ASTN2: variants seen among roughly 807,000 people sequenced by gnomAD.
ASTN2 encodes the protein astrotactin 2, also known as astrotactin-2.
ASTN2 carries 54 observed loss-of-function variants against 139.8 expected under a neutral mutation model. The ratio of observed to expected loss-of-function variants is 0.39; its 90% CI spans 0.31 to 0.48. ASTN2 has a LOEUF of 0.48. ASTN2 is among the 20% of genes least tolerant of loss of function. The probability of loss-of-function intolerance (pLI) is 0.95; values close to 1 mark genes in which losing one functional copy is unlikely to be tolerated. For synonymous variants in ASTN2, 756 were observed against 719.5 expected, an observed-to-expected ratio of 1.05 and a Z score of -0.81; for missense variants, 1,565 against 1,725.1, an observed-to-expected ratio of 0.91 and a Z score of 1.64.
chr9:116,642,431 C>A (rs116648095), intron 17 of ASTN2, among the ~76,000 whole-genome samples: 3,608 of 152,208 alleles, frequency 0.024, 138 homozygotes, highest in African/African-American at 0.082. Flanking sequence ...CTTTGCTCCT[C>A]AGGGTATCCC....
At chr9:116,821,982 A>G (rs1027457485) in intron 11 of ASTN2, among the ~76,000 whole-genome samples, 1 of 151,954 alleles carries the variant, frequency 6.6e-6, no homozygotes, top group African/African-American at 2.4e-5. Flanking sequence ...CTGGGTTTTT[A>G]TTTCAGTCCT....
At chr9:116,870,131 A>C (rs1833123617) in intron 10 of ASTN2, among the ~76,000 whole-genome samples, 1 of 152,076 alleles carries the variant, frequency 6.6e-6, no homozygotes, top group Non-Finnish European at 1.5e-5. Context: ...CTGTCTCAAA[A>C]AAAATAAAAA....
At chr9:116,921,959 A>G (rs537559942) in intron 10 of ASTN2, among the ~76,000 whole-genome samples, 2 of 152,282 alleles carry the variant, frequency 1.3e-5, no homozygotes, top group East Asian at 3.9e-4. Flanking sequence ...CCCCACATCC[A>G]GCTCTGGATA....
chr9:116,841,390 AGAG>A (rs1383160259), intron 11 of ASTN2, among the ~76,000 whole-genome samples: 53 of 151,728 alleles, frequency 3.5e-4, no homozygotes. Context: ...AGGGAGAGGG[AGAG>A]GAGACTGACT....
chr9:116,847,911 T>C (rs755835783), intron 11 of ASTN2, among the ~76,000 whole-genome samples: 67 of 152,110 alleles, frequency 4.4e-4, no homozygotes, highest in Middle Eastern at 3.2e-3. Flanking sequence ...CTTCCCAAGA[T>C]CATACAGTGA....
intron 5 of ASTN2, among the ~76,000 whole-genome samples, chr9:117,051,248 A>T (rs993899754): frequency 6.6e-6 from 1 of 152,124 alleles, no homozygotes; most frequent in Non-Finnish European, 1.5e-5. Context: ...GATGATGATA[A>T]CCCTTTCTCT....
chr9:117,414,835 A>G lies in ASTN2; in HGVS notation c.104T>C (p.Leu35Pro), dbSNP rs1831284784. Residue 35 changes from leucine to proline, a missense_variant, in exon 1 of 23, where the codon CTG (leucine) becomes CCG (proline). By Grantham distance (98) the Leu-to-Pro change is moderately conservative. This residue lies in a region of ASTN2 where 596 missense variants were observed against 576.8 expected (regional missense o/e 1.03). Coordinates refer to ENST00000313400, the MANE Select transcript of ASTN2 (RefSeq NM_001365068.1). The surrounding 1 kb of genome is among the most constrained non-coding windows in gnomAD (Gnocchi z 4.2). ...HPGPPPLLPLLLLFLLLLPPP... is the reference protein window; with the variant it reads ...HPGPPPLLPLPLLFLLLLPPP... ...CGGCAGCAGGAGCAGGAACAGCAGCAGCAGCGGCAGCAGTGGCGGCGGCCC... is the reference window on the plus strand; with the variant it reads ...CGGCAGCAGGAGCAGGAACAGCAGCGGCAGCGGCAGCAGTGGCGGCGGCCC... 8.6e-7 allele frequency: 1 copy of G among 1,161,980 alleles called. No homozygotes were observed. The highest frequency in any genetic ancestry group is 1.1e-6 in the Non-Finnish European group (1 of 939,124). 72.0% of individuals were successfully genotyped at this position (1,161,980 alleles called of 1,614,324 possible). A position where few individuals can be genotyped will look rare whatever the true frequency, so the allele number is the denominator to read the frequency against.
intron 10 of ASTN2, among the ~76,000 whole-genome samples, chr9:116,892,545 A>T (rs1021943278): frequency 6.6e-6 from 1 of 152,062 alleles, no homozygotes; most frequent in African/African-American, 2.4e-5. Flanking sequence ...GAGAAGGCAG[A>T]TGAAGCCAAG....
chr9:116,796,989 C>CTTT (rs71300675), intron 13 of ASTN2, among the ~76,000 whole-genome samples: 1 of 145,504 alleles, frequency 6.9e-6, no homozygotes, highest in Non-Finnish European at 1.5e-5. Context: ...CTTAATTTTT[C>CTTT]TTTTTTTTTT....
intron 5 of ASTN2, among the ~76,000 whole-genome samples, chr9:117,071,061 G>A (rs1231554007): frequency 6.7e-6 from 1 of 148,930 alleles, no homozygotes; most frequent in African/African-American, 2.5e-5. Flanking sequence ...GAGGAGCTGC[G>A]TTCCTTTGGA....
intron 11 of ASTN2, among the ~76,000 whole-genome samples, chr9:116,826,810 T>A (rs116366628): frequency 6.6e-6 from 1 of 152,272 alleles, no homozygotes; most frequent in African/African-American, 2.4e-5. Context: ...GCTGCCACTA[T>A]CAGGTGTGAA....
chr9:116,849,610 G>T (rs894146560), intron 11 of ASTN2, among the ~76,000 whole-genome samples: 1 of 152,206 alleles, frequency 6.6e-6, no homozygotes, highest in Admixed American at 6.5e-5. Context: ...ATCGAGACAG[G>T]ATTTGAACCT....
chr9:117,003,556 T>TGTGTGTGTGTGTG (rs1412820236), intron 7 of ASTN2, among the ~76,000 whole-genome samples: 17 of 147,036 alleles, frequency 1.2e-4, no homozygotes, highest in Non-Finnish European at 2.0e-4. Context: ...TGTGTGTGTA[T>TGTGTGTGTGTGTG]TTAAATCTAG....
At chr9:116,770,554 G>T (rs1829930110) in intron 13 of ASTN2, among the ~76,000 whole-genome samples, 1 of 152,120 alleles carries the variant, frequency 6.6e-6, no homozygotes, top group African/African-American at 2.4e-5. Flanking sequence ...CAGATCCCTG[G>T]CTCTTTCTCT....
At chr9:116,964,176 T>C (rs1319925427) in intron 10 of ASTN2, among the ~76,000 whole-genome samples, 1 of 151,814 alleles carries the variant, frequency 6.6e-6, no homozygotes, top group Non-Finnish European at 1.5e-5. Flanking sequence ...TAATTATTCA[T>C]TGACATATCC....
At chr9:116,731,847 G>A (rs1024751050) in intron 14 of ASTN2, among the ~76,000 whole-genome samples, 3 of 152,134 alleles carry the variant, frequency 2.0e-5, no homozygotes, top group Admixed American at 1.3e-4. Flanking sequence ...CACAGACCGT[G>A]GACATGTCTG....
rs1376324988 is a variant in ASTN2, at chr9:116,424,966, G to A, written c.*885C>T. Reference sequence around the variant, plus strand: ...TGGGTTTAGGTATCACTTTTTCAAGGAAGCATTTCAGGAGCCCTCCAGTGT... The same window carrying A: ...TGGGTTTAGGTATCACTTTTTCAAGAAAGCATTTCAGGAGCCCTCCAGTGT... On this transcript the variant is annotated 3_prime_UTR_variant, in exon 23 of 23. Coordinates refer to ENST00000313400, the MANE Select transcript of ASTN2 (RefSeq NM_001365068.1). 6.6e-6 allele frequency among the ~76,000 whole-genome samples: 1 copy of A among 152,050 alleles called. No homozygotes were observed. The highest frequency in any genetic ancestry group is 2.4e-5 in the African/African-American group (1 of 41,400).
intron 5 of ASTN2, among the ~76,000 whole-genome samples, chr9:117,067,458 T>C (rs1827985748): frequency 2.0e-5 from 2 of 101,184 alleles, no homozygotes; most frequent in African/African-American, 3.4e-5. Flanking sequence ...CCAGCTTTGT[T>C]CTTTTGGCTT....
intron 19 of ASTN2, among the ~76,000 whole-genome samples, chr9:116,557,949 C>T (rs187355684): frequency 6.6e-6 from 1 of 152,156 alleles, no homozygotes; most frequent in Admixed American, 6.5e-5. Flanking sequence ...ATTGAATATA[C>T]ATTGTTCGAT....
Sources: gnomAD v4.1 joint callset for allele counts (sites outside exome capture counted in the v4.1 genomes callset) on GRCh38, gnomAD v4.1.1 for gene constraint, gnomAD v4.1.1 regional missense constraint, Gnocchi (gnomAD v3.1) non-coding constraint, MANE v1.5 for transcripts, NCBI Gene and HGNC (gene_info 2026-07-23, HGNC 2026-07-21) for gene names.